DROSHA: variants seen among roughly 807,000 people sequenced by gnomAD.
The protein encoded by DROSHA is drosha ribonuclease III, also known as ribonuclease 3.
A neutral mutation model predicts 181.9 loss-of-function variants in DROSHA; 56 were observed. The ratio of observed to expected loss-of-function variants is 0.31; its 90% CI spans 0.25 to 0.38. The LOEUF is 0.38. Among genes scored for constraint, DROSHA ranks in the 10% least tolerant of loss-of-function variants. The probability of loss-of-function intolerance (pLI) is 1.00; values close to 1 mark genes in which losing one functional copy is unlikely to be tolerated. For missense variants in DROSHA, 1,218 were observed against 1,743.5 expected (o/e 0.70, Z 5.37); for synonymous variants, 524 against 591.2 (o/e 0.89, Z 1.65).
At chr5:31,503,265 G>A (rs968733978) in intron 11 of DROSHA, among the ~76,000 whole-genome samples, 1 of 152,148 alleles carries the variant, frequency 6.6e-6, no homozygotes, top group African/African-American at 2.4e-5. Flanking sequence ...CGCTTATCAA[G>A]GCTAAGCTAT....
intron 34 of DROSHA, among the ~76,000 whole-genome samples, chr5:31,406,597 G>A (rs1740689265): frequency 1.3e-5 from 2 of 152,178 alleles, no homozygotes; most frequent in Admixed American, 6.5e-5. Context: ...AAACTAGGCA[G>A]ACCTTCTTGC....
intron 23 of DROSHA, among the ~76,000 whole-genome samples, chr5:31,442,252 A>C (rs1462852068): frequency 6.6e-6 from 1 of 152,236 alleles, no homozygotes; most frequent in East Asian, 1.9e-4. Context: ...CATTATGACT[A>C]AACTCTGGCA....
intron 13 of DROSHA, among the ~76,000 whole-genome samples, chr5:31,491,525 A>C (rs1752409900): frequency 6.6e-6 from 1 of 152,226 alleles, no homozygotes; most frequent in Non-Finnish European, 1.5e-5. Flanking sequence ...TAGGGAATCA[A>C]GAAATAAGAG....
At chr5:31,412,458 GGC>G (rs1741427238) in intron 30 of DROSHA, among the ~76,000 whole-genome samples, 1 of 152,118 alleles carries the variant, frequency 6.6e-6, no homozygotes, top group Non-Finnish European at 1.5e-5. Context: ...TATGCTCTGT[GGC>G]TCCATGGTGT....
At chr5:31,435,715 C>T (rs1744702165) in intron 25 of DROSHA, 50 bp downstream of exon 25, 2 of 1,541,240 alleles carry the variant, frequency 1.3e-6, no homozygotes, top group Non-Finnish European at 1.8e-6. Flanking sequence ...GCATGGACCG[C>T]AGAAGAGCAT....
intron 14 of DROSHA, among the ~76,000 whole-genome samples, chr5:31,485,236 A>T (rs888094079): frequency 6.6e-6 from 1 of 152,104 alleles, no homozygotes; most frequent in Non-Finnish European, 1.5e-5. Flanking sequence ...ATATTAATAT[A>T]TTTTTCTAAT....
intron 8 of DROSHA, among the ~76,000 whole-genome samples, chr5:31,513,086 C>G (rs1453330954): frequency 6.6e-6 from 1 of 152,134 alleles, no homozygotes; most frequent in Admixed American, 6.6e-5. Context: ...AAAAATGAAT[C>G]CCTGGGGTAG....
chr5:31,503,243 C>A (rs570710569), intron 11 of DROSHA, among the ~76,000 whole-genome samples: 145 of 152,300 alleles, frequency 9.5e-4, no homozygotes, highest in Non-Finnish European at 1.6e-3. Context: ...ATGAGCCCAA[C>A]AGCATGGATC....
chr5:31,523,877 A>G (rs1740197247), intron 5 of DROSHA, among the ~76,000 whole-genome samples: 1 of 150,264 alleles, frequency 6.7e-6, no homozygotes, highest in African/African-American at 2.4e-5. Flanking sequence ...CAGGAGGCTG[A>G]GACAGGAGAA....
chr5:31,456,250 G>A (rs575438423), intron 20 of DROSHA, among the ~76,000 whole-genome samples: 114 of 152,262 alleles, frequency 7.5e-4, no homozygotes, highest in African/African-American at 2.7e-3. Flanking sequence ...TCACAAGTGA[G>A]TCAATATAAG....
intron 28 of DROSHA, 146 bp from the exon 29 acceptor site, chr5:31,423,090 T>G (rs1384688741): frequency 1.4e-6 from 1 of 710,578 alleles, no homozygotes; most frequent in Non-Finnish European, 2.2e-6. Flanking sequence ...AGCTCGTTTC[T>G]CATTTCTTTG....
intron 23 of DROSHA, among the ~76,000 whole-genome samples, chr5:31,442,716 G>A (rs1283512219): frequency 6.6e-6 from 1 of 151,998 alleles, no homozygotes; most frequent in African/African-American, 2.4e-5. Context: ...GGCATCCCAA[G>A]CCTCAAGCAG....
rs1484730115 is a variant in DROSHA at position 31,515,499 on chromosome 5, A to G, written c.1013T>C (p.Ile338Thr). 8.0e-6 allele frequency: 12 copies of G among 1,503,050 alleles called. No individual in the cohort carries two copies. The highest frequency in any genetic ancestry group is 2.5e-5 in the East Asian group (1 of 40,726). The allele number at this position is 1,503,050 out of a possible 1,614,324, so 93.1% of individuals were successfully genotyped here. A position where few individuals can be genotyped will look rare whatever the true frequency, so the allele number is the denominator to read the frequency against. Residue 338 changes from isoleucine to threonine, a missense_variant, in exon 7 of 36, where the codon ATT becomes ACT. By Grantham distance (89) the Ile-to-Thr change is moderately conservative. This residue lies in a region of DROSHA where 536 missense variants were observed against 535.4 expected (regional missense o/e 1.00). Coordinates refer to ENST00000344624, the MANE Select transcript of DROSHA (RefSeq NM_001382508.1). ...GCTPELPGEI[I>T]KNTDSWAPPL... ...TGGGGCCCAAGAATCTGTATTTTTA[A>G]TAATCTCCCCAGGTAATTCTGGTGT...
intron 16 of DROSHA, among the ~76,000 whole-genome samples, chr5:31,475,280 T>C (rs923795833): frequency 2.6e-5 from 4 of 152,182 alleles, no homozygotes; most frequent in Non-Finnish European, 5.9e-5. Context: ...ACTGTGCCAC[T>C]TCACTCCAAC....
At chr5:31,446,119 C>T (rs1347677886) in intron 23 of DROSHA, among the ~76,000 whole-genome samples, 2 of 152,152 alleles carry the variant, frequency 1.3e-5, no homozygotes, top group Admixed American at 6.5e-5. Flanking sequence ...TATTTCCAAA[C>T]ACTTGCAATG....
At chr5:31,430,824 T>C (rs1744085573) in intron 26 of DROSHA, among the ~76,000 whole-genome samples, 1 of 152,222 alleles carries the variant, frequency 6.6e-6, no homozygotes, top group Non-Finnish European at 1.5e-5. Flanking sequence ...AGCTTTTATA[T>C]TCATTTTCAA....
chr5:31,521,338 T>C (rs758913775), intron 5 of DROSHA, 123 bp from the exon 6 acceptor site: 2 of 963,692 alleles, frequency 2.1e-6, no homozygotes, highest in Admixed American at 2.2e-5. Context: ...CACTGTTCAC[T>C]GGGGGACATT....
chr5:31,417,741 G>A (rs1301471943), intron 30 of DROSHA, among the ~76,000 whole-genome samples: 1 of 152,210 alleles, frequency 6.6e-6, no homozygotes, highest in Non-Finnish European at 1.5e-5. Flanking sequence ...GAGGTGGAGA[G>A]AGGAAGAGAA....
chr5:31,524,668 T>C (rs1271457639), intron 5 of DROSHA, among the ~76,000 whole-genome samples: 1 of 152,214 alleles, frequency 6.6e-6, no homozygotes, highest in Non-Finnish European at 1.5e-5. Flanking sequence ...GAACCTGATG[T>C]AAGTTTCCTT....
Sources: allele counts gnomAD v4.1 joint callset (sites outside exome capture counted in the v4.1 genomes callset), GRCh38; gene constraint gnomAD v4.1.1; regional missense constraint gnomAD v4.1.1; transcripts MANE v1.5; gene names NCBI Gene and HGNC (gene_info 2026-07-23, HGNC 2026-07-21).